The following POLR3G variants were observed in gnomAD, a reference collection of about 807,000 sequenced individuals.
The protein encoded by POLR3G is RNA polymerase III subunit G, also known as DNA-directed RNA polymerase III subunit RPC7.
A neutral mutation model predicts 30.1 loss-of-function variants in POLR3G; 28 were observed. That is an observed-to-expected ratio of 0.93 (90% CI 0.69 to 1.27). The LOEUF is 1.27. Ranked by LOEUF, POLR3G falls within the 50% of genes most tolerant of loss-of-function variation. The pLI, the probability that POLR3G is intolerant of heterozygous loss-of-function variation, is 0.00. For synonymous variants in POLR3G, 79 were observed against 82.5 expected, an observed-to-expected ratio of 0.96 and a Z score of 0.23; for missense variants, 254 against 264.6, an observed-to-expected ratio of 0.96 and a Z score of 0.28.
intron 3 of POLR3G, among the ~76,000 whole-genome samples, chr5:90,489,772 G>A (rs1177290412): frequency 2.0e-5 from 3 of 152,080 alleles, no homozygotes; most frequent in Admixed American, 6.6e-5. Flanking sequence ...ATGCACTTAG[G>A]TGAATGTGGT....
intron 3 of POLR3G, chr5:90,490,608 T>A (rs185089699): frequency 2.4e-6 from 1 of 412,152 alleles, no homozygotes; most frequent in Non-Finnish European, 4.8e-6. Flanking sequence ...GGAGTCTTGC[T>A]TTTTTGCTCA....
intron 1 of POLR3G, among the ~76,000 whole-genome samples, chr5:90,477,638 T>A (rs1750901700): frequency 6.6e-6 from 1 of 152,232 alleles, no homozygotes; most frequent in Non-Finnish European, 1.5e-5. Context: ...CACTGCCTCC[T>A]CTAGCTTCTA....
At chr5:90,476,623 G>T (rs1276418284) in intron 1 of POLR3G, among the ~76,000 whole-genome samples, 1 of 152,188 alleles carries the variant, frequency 6.6e-6, no homozygotes, top group Admixed American at 6.5e-5. Flanking sequence ...CATGAGCTCA[G>T]CAATAATTTA....
intron 6 of POLR3G, among the ~76,000 whole-genome samples, chr5:90,504,570 A>C (rs1395919964): frequency 6.6e-6 from 1 of 152,088 alleles, no homozygotes. Flanking sequence ...CTCAAAAAAA[A>C]AAAAAGTACT....
upstream of POLR3G, chr5:90,474,556 G>A (rs760965624): frequency 3.8e-5 from 19 of 502,584 alleles, no homozygotes; most frequent in Non-Finnish European, 5.3e-5. Flanking sequence ...GGGCGCAGGA[G>A]CTACCGCAGC....
rs1752796564 is a variant in POLR3G, at chr5:90,512,738, A to C, written c.*599A>C. The C allele has an allele frequency of 6.6e-6, 1 of 152,608 alleles. No homozygotes were observed. Among genetic ancestry groups the C allele is most frequent in the South Asian group, 2.1e-4 (1 of 4,828 alleles). The allele number at this position is 152,608 out of a possible 1,614,324, so 9.5% of individuals were successfully genotyped here. On this transcript the variant is annotated 3_prime_UTR_variant, in exon 8 of 8. Coordinates refer to ENST00000651687, the MANE Select transcript of POLR3G (RefSeq NM_006467.3). ...CCAAACTGAGCAATATAAATTTCAC[A>C]GCTCACATCTTAGCCAGTACAAAGA...
intron 6 of POLR3G, 26 bp downstream of exon 6, chr5:90,502,014 G>A (rs1429075977): frequency 1.2e-6 from 2 of 1,602,790 alleles, no homozygotes; most frequent in Admixed American, 1.7e-5. Flanking sequence ...TACTATACAA[G>A]TGAACTGAAA....
At chr5:90,475,869 A>G (rs1327745947) in intron 1 of POLR3G, among the ~76,000 whole-genome samples, 2 of 152,136 alleles carry the variant, frequency 1.3e-5, no homozygotes, top group Admixed American at 6.5e-5. Context: ...CTGCCACTGC[A>G]CCCGGCTAAT....
chr5:90,496,394 A>T (rs1288650229), intron 4 of POLR3G, among the ~76,000 whole-genome samples: 2 of 152,260 alleles, frequency 1.3e-5, no homozygotes, highest in African/African-American at 4.8e-5. Flanking sequence ...CTCCTGAGCA[A>T]TTTTAGAGCA....
intron 3 of POLR3G, among the ~76,000 whole-genome samples, chr5:90,488,979 G>C (rs2151905103): frequency 6.6e-6 from 1 of 152,228 alleles, no homozygotes; most frequent in Non-Finnish European, 1.5e-5. Context: ...AGATTAGAGA[G>C]ACTGATATCA....
chr5:90,482,771 C>G (rs974477508), intron 1 of POLR3G, among the ~76,000 whole-genome samples: 5 of 152,158 alleles, frequency 3.3e-5, no homozygotes, highest in African/African-American at 4.8e-5. Flanking sequence ...CTTTGACTTC[C>G]TATGATTTCA....
upstream of POLR3G, chr5:90,474,365 C>T (rs555024089): frequency 7.2e-7 from 1 of 1,382,392 alleles, no homozygotes; most frequent in South Asian, 1.2e-5. Context: ...ACACACAGGG[C>T]ACTGCGGCTG....
chr5:90,487,378 A>ATT (rs59951999), intron 2 of POLR3G, among the ~76,000 whole-genome samples: 3,924 of 57,044 alleles, frequency 0.069, 1,014 homozygotes, highest in Non-Finnish European at 0.094. Flanking sequence ...TGGTACATTA[A>ATT]TTTTTTTTTT....
intron 1 of POLR3G, among the ~76,000 whole-genome samples, chr5:90,476,578 A>G (rs1750835038): frequency 6.6e-6 from 1 of 152,200 alleles, no homozygotes. Context: ...GAAGCAAGCC[A>G]CTAGTGGTGA....
At chr5:90,496,257 C>T (rs1751988928) in intron 4 of POLR3G, among the ~76,000 whole-genome samples, 1 of 152,172 alleles carries the variant, frequency 6.6e-6, no homozygotes. Flanking sequence ...CATGAGCCAA[C>T]ACCCCCCACC....
chr5:90,508,845 C>T (rs149103093), intron 7 of POLR3G, among the ~76,000 whole-genome samples: 2,348 of 152,132 alleles, frequency 0.015, 49 homozygotes, highest in African/African-American at 0.049. Flanking sequence ...GGGTGGATCA[C>T]GAGGTCAGGA....
rs1752781051 is a variant in POLR3G at position 90,512,321 on chromosome 5, C to G, written c.*182C>G. 2 of 535,246 alleles carry G rather than the reference C, an allele frequency of 3.7e-6. No individual in the cohort carries two copies. The highest frequency in any genetic ancestry group is 6.1e-5 in the East Asian group (2 of 32,796). 33.2% of individuals were successfully genotyped at this position (535,246 alleles called of 1,614,324 possible). ...TACTAGTTACCTTAAAAATTATTCC[C>G]TGACACTCTGACATTCCTTCTAAAC... On this transcript the variant is annotated 3_prime_UTR_variant, in exon 8 of 8. Coordinates refer to ENST00000651687, the MANE Select transcript of POLR3G (RefSeq NM_006467.3).
intron 3 of POLR3G, among the ~76,000 whole-genome samples, chr5:90,489,863 T>C (rs759634478): frequency 1.1e-4 from 17 of 152,016 alleles, no homozygotes; most frequent in Non-Finnish European, 1.6e-4. Context: ...TCCTAGCACA[T>C]TGGGAGGCTG....
chr5:90,491,766 A>G (rs1040906453), intron 3 of POLR3G, among the ~76,000 whole-genome samples: 2 of 152,106 alleles, frequency 1.3e-5, no homozygotes, highest in South Asian at 2.1e-4. Context: ...ATCATCATAC[A>G]TATTATCTCA....
Sources: allele counts gnomAD v4.1 joint callset (sites outside exome capture counted in the v4.1 genomes callset), GRCh38; gene constraint gnomAD v4.1.1; transcripts MANE v1.5; gene names NCBI Gene and HGNC (gene_info 2026-07-23, HGNC 2026-07-21).